Variants in CLIC5 observed in about 807,000 individuals in gnomAD.
CLIC5 encodes the protein CLIC family member 5.
CLIC5 carries 20 observed loss-of-function variants against 24.7 expected under a neutral mutation model. That is an observed-to-expected ratio of 0.81 (90% confidence interval 0.57 to 1.18). CLIC5 has a LOEUF of 1.18. CLIC5 is among the 50% of genes most tolerant of loss of function. CLIC5 has a pLI of 0.00. For synonymous variants in CLIC5, 159 were observed against 135.6 expected, an observed-to-expected ratio of 1.17 and a Z score of -1.20; for missense variants, 341 against 326.1, an observed-to-expected ratio of 1.05 and a Z score of -0.35.
chr6:46,065,361 T>TA (rs1215042303), intron 1 of CLIC5, among the ~76,000 whole-genome samples: 34 of 134,026 alleles, frequency 2.5e-4, no homozygotes, highest in Admixed American at 9.7e-4. Flanking sequence ...TTTTTTTTTT[T>TA]AAAAAAAAGG....
chr6:46,106,192 C>T, the CLIC5 span, among the ~76,000 whole-genome samples: 6 of 151,236 alleles, frequency 4.0e-5, no homozygotes, highest in East Asian at 1.2e-3. Flanking sequence ...CAACCTCTGC[C>T]TCCCAGGTTC....
intron 1 of CLIC5, among the ~76,000 whole-genome samples, chr6:45,977,293 G>A (rs1765416324): frequency 6.6e-6 from 1 of 152,046 alleles, no homozygotes; most frequent in African/African-American, 2.4e-5. Flanking sequence ...TCCAGTGCAA[G>A]CTTTAATGAC....
At chr6:46,090,192 C>T in the CLIC5 span, among the ~76,000 whole-genome samples, 1 of 152,164 alleles carries the variant, frequency 6.6e-6, no homozygotes, top group Non-Finnish European at 1.5e-5. Context: ...AAAATGAACA[C>T]GTTTTATATC....
chr6:46,082,781 AC>A (rs1762951050), upstream of CLIC5, among the ~76,000 whole-genome samples: 2 of 150,868 alleles, frequency 1.3e-5, no homozygotes, highest in Non-Finnish European at 1.5e-5. Context: ...CTGTTCCATT[AC>A]TAAAAACCCT....
intron 6 of CLIC5, among the ~76,000 whole-genome samples, chr6:45,881,885 G>A (rs1000648688): frequency 1.3e-5 from 2 of 152,054 alleles, no homozygotes; most frequent in African/African-American, 4.8e-5. Flanking sequence ...GGTTTGAAAT[G>A]TCGAACTCGT....
At chr6:46,082,805 C>T (rs1380579339), upstream of CLIC5, among the ~76,000 whole-genome samples, 1 of 152,066 alleles carries the variant, frequency 6.6e-6, no homozygotes, top group Non-Finnish European at 1.5e-5. Context: ...CCCTACTTTC[C>T]CCCCCTTTTC....
At chr6:46,006,002 A>ATATATATATATATATATATATATATT (rs1766546139) in intron 1 of CLIC5, among the ~76,000 whole-genome samples, 4 of 107,480 alleles carry the variant, frequency 3.7e-5, no homozygotes, top group Non-Finnish European at 5.7e-5. Flanking sequence ...ATATATATTT[A>ATATATATATATATATATATATATATT]TATATATATA....
chr6:45,970,198 A>G (rs1240039504), intron 1 of CLIC5, among the ~76,000 whole-genome samples: 1 of 152,100 alleles, frequency 6.6e-6, no homozygotes, highest in Non-Finnish European at 1.5e-5. Flanking sequence ...GGCCCACCCA[A>G]CTAATTTCTT....
At chr6:46,091,343 G>A in the CLIC5 span, among the ~76,000 whole-genome samples, 14 of 152,184 alleles carry the variant, frequency 9.2e-5, no homozygotes, top group African/African-American at 3.4e-4. Flanking sequence ...GTGAGATCAT[G>A]TGGTAGTATT....
chr6:45,980,648 A>G (rs1478986442), intron 1 of CLIC5, among the ~76,000 whole-genome samples: 1 of 152,172 alleles, frequency 6.6e-6, no homozygotes, highest in Non-Finnish European at 1.5e-5. Flanking sequence ...AATGCTAGTG[A>G]TAAAATGTTG....
At chr6:45,911,749 A>C (rs944336879) in intron 5 of CLIC5, 1 of 985,344 alleles carries the variant, frequency 1.0e-6, no homozygotes, top group African/African-American at 1.7e-5. Flanking sequence ...GTTTGTCTCC[A>C]GGGCTGAACA....
At chr6:46,069,874 A>T (rs1443461294) in intron 1 of CLIC5, among the ~76,000 whole-genome samples, 1 of 152,226 alleles carries the variant, frequency 6.6e-6, no homozygotes, top group Non-Finnish European at 1.5e-5. Context: ...CTTATCCACC[A>T]TGATCAAGTA....
At position 45,923,072 on chromosome 6, in the gene CLIC5, C is replaced by T. The variant is rs1474914323; in HGVS notation, c.407-8663G>A. On this transcript the variant is annotated intron_variant, in intron 4 of 5. Coordinates refer to ENST00000339561, the MANE Select transcript of CLIC5 (RefSeq NM_016929.5). ...ACATGTACGTGTGTTTTCTATTAGA[C>T]TTTCCAGAAACTCATAAATGATTGT... 3.9e-5 allele frequency among the ~76,000 whole-genome samples: 6 copies of T among 152,314 alleles called. No individual in the cohort carries two copies. In the East Asian group the frequency reaches 1.2e-3, roughly 29 times the overall value.
chr6:45,981,006 T>C (rs1459046741), intron 1 of CLIC5, among the ~76,000 whole-genome samples: 1 of 152,224 alleles, frequency 6.6e-6, no homozygotes, highest in African/African-American at 2.4e-5. Context: ...GATCTCTCTC[T>C]GTAGCCCAGG....
chr6:46,096,491 A>G, the CLIC5 span, among the ~76,000 whole-genome samples: 1 of 152,150 alleles, frequency 6.6e-6, no homozygotes, highest in Non-Finnish European at 1.5e-5. Context: ...CGAAGGTTTG[A>G]CTGGGATTAC....
At chr6:45,951,165 C>T (rs1172088281) in intron 2 of CLIC5, among the ~76,000 whole-genome samples, 7 of 152,134 alleles carry the variant, frequency 4.6e-5, no homozygotes, top group Non-Finnish European at 8.8e-5. Context: ...ACAGAAAGCT[C>T]TTTGGTGTGC....
At chr6:45,961,756 G>C (rs1330735040) in intron 1 of CLIC5, among the ~76,000 whole-genome samples, 2 of 152,070 alleles carry the variant, frequency 1.3e-5, no homozygotes, top group Non-Finnish European at 2.9e-5. Flanking sequence ...TGAGGACAGA[G>C]AGGTCTACCC....
intron 1 of CLIC5, among the ~76,000 whole-genome samples, chr6:45,955,632 T>C (rs1764617415): frequency 6.6e-6 from 1 of 152,090 alleles, no homozygotes; most frequent in Non-Finnish European, 1.5e-5. Context: ...CAGTCAGTTG[T>C]ATTAATATCT....
intron 1 of CLIC5, among the ~76,000 whole-genome samples, chr6:46,054,564 G>A (rs1017906295): frequency 6.6e-6 from 1 of 152,080 alleles, no homozygotes; most frequent in Admixed American, 6.5e-5. Flanking sequence ...GACTATTTGT[G>A]TCTCCCCCAC....
Sources: gnomAD v4.1 joint callset for allele counts (sites outside exome capture counted in the v4.1 genomes callset) on GRCh38, gnomAD v4.1.1 for gene constraint, MANE v1.5 for transcripts, NCBI Gene and HGNC (gene_info 2026-07-23, HGNC 2026-07-21) for gene names.